The following COL25A1 variants were observed in gnomAD, a reference collection of about 807,000 sequenced individuals.
The protein encoded by COL25A1 is collagen type XXV alpha 1 chain, also known as collagen alpha-1(XXV) chain.
COL25A1 carries 103 observed loss-of-function variants against 128.4 expected under a neutral mutation model. That is an observed-to-expected ratio of 0.80 (90% CI 0.68 to 0.94). COL25A1 has a LOEUF of 0.94. Ranked by LOEUF, COL25A1 falls within the 40% of genes least tolerant of loss-of-function variation. COL25A1 has a pLI of 0.00. For synonymous variants in COL25A1, 279 were observed against 277.2 expected (o/e 1.01, Z -0.06); for missense variants, 745 against 840.0 (o/e 0.89, Z 1.40).
intron 3 of COL25A1, among the ~76,000 whole-genome samples, chr4:109,213,493 C>T (rs1460182959): frequency 1.3e-5 from 2 of 152,144 alleles, no homozygotes; most frequent in African/African-American, 4.8e-5. Flanking sequence ...CAGCTGCACG[C>T]TGTTGAGGGA....
intron 3 of COL25A1, among the ~76,000 whole-genome samples, chr4:109,087,232 C>T (rs1396445851): frequency 6.6e-6 from 1 of 151,426 alleles, no homozygotes; most frequent in Non-Finnish European, 1.5e-5. Context: ...ATTACTGTTT[C>T]TTTTAGCGTG....
intron 3 of COL25A1, among the ~76,000 whole-genome samples, chr4:109,242,871 C>T (rs890392410): frequency 2.6e-5 from 4 of 151,994 alleles, no homozygotes; most frequent in African/African-American, 9.7e-5. Context: ...TCACTTAAGA[C>T]ATCCATCATC....
chr4:108,952,058 T>G (rs1245394343), intron 8 of COL25A1, among the ~76,000 whole-genome samples: 2 of 152,096 alleles, frequency 1.3e-5, no homozygotes, highest in Non-Finnish European at 2.9e-5. Flanking sequence ...TTTAAGGAAA[T>G]GAATGTGGGT....
intron 20 of COL25A1, among the ~76,000 whole-genome samples, chr4:108,866,342 G>A (rs1737917577): frequency 6.6e-6 from 1 of 151,882 alleles, no homozygotes. Flanking sequence ...ACAGGCATGC[G>A]CCGCCATGCC....
chr4:109,066,356 C>T lies in COL25A1; in HGVS notation c.368-16177G>A, dbSNP rs1762448253. 3.3e-5 allele frequency among the ~76,000 whole-genome samples: 5 copies of T among 152,258 alleles called. No individual in the cohort carries two copies. In the South Asian group the frequency reaches 8.3e-4, roughly 25 times the overall value. ...TACTCAAGGAAGAAAACACCTGGCC[C>T]ATCAGGAGGTCTCCCAAACTCTGTT... On this transcript the variant is annotated intron_variant, in intron 3 of 37. Coordinates refer to ENST00000399132, the MANE Select transcript of COL25A1 (RefSeq NM_198721.4).
intron 6 of COL25A1, among the ~76,000 whole-genome samples, chr4:108,984,626 GGC>G (rs1381029632): frequency 6.6e-6 from 1 of 152,342 alleles, no homozygotes; most frequent in East Asian, 1.9e-4. Flanking sequence ...CGGCAGGTGG[GGC>G]CAGCCGGCCG....
At chr4:109,106,094 T>C (rs527844441) in intron 3 of COL25A1, among the ~76,000 whole-genome samples, 119 of 152,264 alleles carry the variant, frequency 7.8e-4, no homozygotes, top group Admixed American at 2.7e-3. Context: ...GATGATAACA[T>C]AGGAAAAAGA....
intron 5 of COL25A1, among the ~76,000 whole-genome samples, chr4:109,041,934 C>T (rs1457763568): frequency 2.6e-5 from 4 of 151,988 alleles, no homozygotes; most frequent in Non-Finnish European, 5.9e-5. Flanking sequence ...TCTTAAGGTC[C>T]GTCTGTTACA....
intron 3 of COL25A1, among the ~76,000 whole-genome samples, chr4:109,201,344 A>G (rs2189708): frequency 0.33 from 50,208 of 152,120 alleles, 10,368 homozygotes; most frequent in Non-Finnish European, 0.47. Context: ...ACATTTAAAA[A>G]TCAATTAATG....
At chr4:109,300,764 T>C (rs1422411516) in intron 2 of COL25A1, 112 bp from the exon 3 acceptor site, 7 of 714,448 alleles carry the variant, frequency 9.8e-6, no homozygotes, top group Non-Finnish European at 1.7e-5. Context: ...CCTGCATAAC[T>C]AACATTTACA....
At chr4:109,128,778 T>C (rs1768882718) in intron 3 of COL25A1, among the ~76,000 whole-genome samples, 1 of 152,156 alleles carries the variant, frequency 6.6e-6, no homozygotes, top group Admixed American at 6.5e-5. Flanking sequence ...ATCACCAAAG[T>C]CTCCTTTGGA....
intron 3 of COL25A1, among the ~76,000 whole-genome samples, chr4:109,245,152 C>T (rs1031574758): frequency 6.6e-5 from 10 of 151,892 alleles, no homozygotes; most frequent in African/African-American, 2.2e-4. Context: ...TAAAGGAGGC[C>T]CTATTGATAA....
intron 8 of COL25A1, among the ~76,000 whole-genome samples, chr4:108,968,903 C>T (rs967317702): frequency 6.6e-6 from 1 of 152,176 alleles, no homozygotes; most frequent in African/African-American, 2.4e-5. Context: ...CTATCTTTGT[C>T]TTCTTTTTCA....
chr4:109,215,264 C>T (rs571959729), intron 3 of COL25A1, among the ~76,000 whole-genome samples: 9 of 152,118 alleles, frequency 5.9e-5, no homozygotes, highest in African/African-American at 1.9e-4. Context: ...TGAAAGTACA[C>T]AATTTCTTTT....
At chr4:108,942,922 A>G (rs1463553464) in intron 8 of COL25A1, among the ~76,000 whole-genome samples, 1 of 150,726 alleles carries the variant, frequency 6.6e-6, no homozygotes. Context: ...CGCCCAGCTA[A>G]TTTTTGTATT....
At chr4:109,301,465 T>C (rs1725516949) in intron 2 of COL25A1, among the ~76,000 whole-genome samples, 1 of 152,208 alleles carries the variant, frequency 6.6e-6, no homozygotes, top group Admixed American at 6.5e-5. Context: ...CGAACCCTTT[T>C]AGACCTTCCT....
At chr4:109,042,557 C>T (rs1370372157) in intron 5 of COL25A1, among the ~76,000 whole-genome samples, 3 of 152,026 alleles carry the variant, frequency 2.0e-5, no homozygotes, top group African/African-American at 7.2e-5. Context: ...TACACTCATA[C>T]TGCCTCCTAC....
intron 25 of COL25A1, 80 bp from the exon 26 acceptor site, chr4:108,852,360 A>T: frequency 9.9e-7 from 1 of 1,006,350 alleles, no homozygotes; most frequent in South Asian, 1.5e-5. Flanking sequence ...CACACTATAC[A>T]CCTTCCTTAT....
chr4:109,037,929 C>A (rs1457685449), intron 5 of COL25A1, among the ~76,000 whole-genome samples: 1 of 151,994 alleles, frequency 6.6e-6, no homozygotes, highest in Non-Finnish European at 1.5e-5. Flanking sequence ...CACAACACTG[C>A]CAAGTTACAA....
Sources: gnomAD v4.1 joint callset for allele counts (sites outside exome capture counted in the v4.1 genomes callset) on GRCh38, gnomAD v4.1.1 for gene constraint, MANE v1.5 for transcripts, NCBI Gene and HGNC (gene_info 2026-07-23, HGNC 2026-07-21) for gene names.